The following TAFA2 variants were observed in gnomAD, a reference collection of about 807,000 sequenced individuals.
TAFA2 encodes chemokine-like protein TAFA-2.
In TAFA2, 7 loss-of-function variants were observed where a neutral mutation model predicts 18.8. The ratio of observed to expected loss-of-function variants is 0.37; its 90% CI spans 0.21 to 0.70. The LOEUF (loss-of-function observed/expected upper bound fraction) is 0.70, where lower values mean the gene tolerates loss of function less well. TAFA2 is among the 30% of genes least tolerant of loss of function. The pLI, the probability that TAFA2 is intolerant of heterozygous loss-of-function variation, is 0.53. For synonymous variants in TAFA2, 60 were observed against 54.2 expected, an observed-to-expected ratio of 1.11 and a Z score of -0.47; for missense variants, 122 against 158.1, an observed-to-expected ratio of 0.77 and a Z score of 1.23.
chr12:61,937,951 G>T (rs1385751015), intron 1 of TAFA2, among the ~76,000 whole-genome samples: 1 of 151,588 alleles, frequency 6.6e-6, no homozygotes. Context: ...AAACAAATCA[G>T]CAAGAAAAAA....
chr12:61,710,262 G>A lies in TAFA2; in HGVS notation c.*144C>T. 2.9e-6 allele frequency: 2 copies of A among 691,860 alleles called. No homozygotes were observed. The highest frequency in any genetic ancestry group is 1.8e-5 in the South Asian group (1 of 54,798). 42.9% of individuals were successfully genotyped at this position (691,860 alleles called of 1,614,324 possible). A position where few individuals can be genotyped will look rare whatever the true frequency, so the allele number is the denominator to read the frequency against. On this transcript the variant is annotated 3_prime_UTR_variant, in exon 5 of 5. Transcript: ENST00000416284. ...TTAAAAAGTCTTGATTTCAAGAAGA[G>A]GCCATGAAATCCCTTGGAAATAGAC...
intron 1 of TAFA2, among the ~76,000 whole-genome samples, chr12:62,099,153 A>C (rs960428294): frequency 6.6e-6 from 1 of 152,186 alleles, no homozygotes; most frequent in Non-Finnish European, 1.5e-5. Flanking sequence ...AGGAGTAAAA[A>C]CTGGTAAATC....
intron 2 of TAFA2, among the ~76,000 whole-genome samples, chr12:61,857,529 T>C (rs1362706644): frequency 1.3e-5 from 2 of 152,238 alleles, no homozygotes; most frequent in African/African-American, 4.8e-5. Flanking sequence ...TTTAGCTTTC[T>C]ATATCCCTCT....
chr12:61,716,951 T>C (rs771381865), intron 4 of TAFA2, among the ~76,000 whole-genome samples: 8 of 152,184 alleles, frequency 5.3e-5, no homozygotes, highest in Non-Finnish European at 2.9e-5. Context: ...ATTTAACTTA[T>C]TCGATAAAGG....
chr12:62,011,690 T>C (rs1420803106), intron 1 of TAFA2, among the ~76,000 whole-genome samples: 1 of 150,624 alleles, frequency 6.6e-6, no homozygotes, highest in Non-Finnish European at 1.5e-5. Flanking sequence ...TCTCCACTAT[T>C]ATCCTATGAC....
At position 61,756,129 on chromosome 12, in the gene TAFA2, T is replaced by C. The variant is rs1188261672; in HGVS notation, c.107-1105A>G. ...ATGAGTGAAACCAATGTGCAATAAG[T>C]CAGGCTAAGTAGTTCGCTCAGATTT... is the stretch of plus-strand genomic sequence containing the variant. On this transcript the variant is annotated intron_variant, in intron 2 of 4. Coordinates refer to ENST00000416284, the MANE Select transcript of TAFA2 (RefSeq NM_178539.5). Among the ~76,000 whole-genome samples the C allele has an allele frequency of 9.3e-4, 142 of 152,134 alleles. 2 individuals are homozygous for C. Among genetic ancestry groups the C allele is most frequent in the Admixed American group, 9.3e-3 (142 of 15,268 alleles).
intron 1 of TAFA2, among the ~76,000 whole-genome samples, chr12:62,055,938 T>G (rs765642259): frequency 5.9e-5 from 9 of 152,198 alleles, no homozygotes; most frequent in Non-Finnish European, 1.0e-4. Context: ...AATAGAGAGC[T>G]ATCATACATA....
At position 62,098,786 on chromosome 12, in the gene TAFA2, A is replaced by ATTC. The variant is rs1367252101; in HGVS notation, c.-2+92472_-2+92473insGAA. On this transcript the variant is annotated intron_variant, in intron 1 of 4. Coordinates refer to ENST00000416284, the MANE Select transcript of TAFA2 (RefSeq NM_178539.5). The stretch of plus-strand genomic sequence containing the variant: ...CGAAATCCATCAGAGACTTAAAGAT[A>ATTC]TTAAAATTGAAATTGAATAAAAATA... 4.6e-5 allele frequency among the ~76,000 whole-genome samples: 7 copies of ATTC among 152,324 alleles called. No homozygotes were observed. The East Asian group carries it at 1.4e-3, about 29-fold the overall frequency.
rs141907835 is a variant in TAFA2, at chr12:62,076,586, A to G, written c.-2+114673T>C. Among the ~76,000 whole-genome samples the G allele has an allele frequency of 4.7e-3, 718 of 152,254 alleles. 8 individuals carry two copies. Among genetic ancestry groups the G allele is most frequent in the Non-Finnish European group, 6.4e-3 (433 of 68,012 alleles). On this transcript the variant is annotated intron_variant, in intron 1 of 4. Transcript: ENST00000416284. Reference sequence around the variant, plus strand: ...CTTCTGCTAAGGTTCGACACCACACATAAGTCTGTGTATTGTGGCCAAGAA... The same window carrying G: ...CTTCTGCTAAGGTTCGACACCACACGTAAGTCTGTGTATTGTGGCCAAGAA...
At chr12:61,795,897 G>C (rs1871169398) in intron 2 of TAFA2, among the ~76,000 whole-genome samples, 1 of 151,892 alleles carries the variant, frequency 6.6e-6, no homozygotes, top group Non-Finnish European at 1.5e-5. Flanking sequence ...TTAATAAATA[G>C]ATCCACACAT....
intron 1 of TAFA2, among the ~76,000 whole-genome samples, chr12:61,953,634 A>T (rs1214803439): frequency 6.6e-6 from 1 of 152,222 alleles, no homozygotes; most frequent in Non-Finnish European, 1.5e-5. Flanking sequence ...TCGGTAAAGA[A>T]GATACTTTAT....
intron 4 of TAFA2, among the ~76,000 whole-genome samples, chr12:61,738,147 A>G (rs767201758): frequency 5.9e-5 from 9 of 152,018 alleles, no homozygotes; most frequent in Non-Finnish European, 1.2e-4. Context: ...AAGAACATTA[A>G]CGTTATATTA....
intron 4 of TAFA2, among the ~76,000 whole-genome samples, chr12:61,741,985 CT>C (rs1260023542): frequency 7.2e-5 from 11 of 152,098 alleles, no homozygotes; most frequent in African/African-American, 2.7e-4. Context: ...TAGCCTCCAC[CT>C]CCTGGGTTCA....
chr12:62,233,066 C>CCT (rs2062819487), intron 1 of TAFA2, among the ~76,000 whole-genome samples: 1 of 39,532 alleles, frequency 2.5e-5, no homozygotes, highest in South Asian at 1.6e-3. Flanking sequence ...TTCTGCATCT[C>CCT]TTTTTTTTTT....
intron 1 of TAFA2, among the ~76,000 whole-genome samples, chr12:61,899,192 G>A (rs1003483461): frequency 6.6e-6 from 1 of 152,128 alleles, no homozygotes; most frequent in Admixed American, 6.5e-5. Context: ...ACATCTTCCT[G>A]TCTTCTTCTG....
intron 1 of TAFA2, chr12:62,198,533 G>C (rs890511001): frequency 9.2e-5 from 14 of 152,094 alleles, no homozygotes; most frequent in African/African-American, 3.4e-4. Flanking sequence ...TAAAACTTAC[G>C]AGTCCCAGTT....
At chr12:61,837,914 C>A (rs1873001955) in intron 2 of TAFA2, among the ~76,000 whole-genome samples, 1 of 151,900 alleles carries the variant, frequency 6.6e-6, no homozygotes, top group African/African-American at 2.4e-5. Flanking sequence ...AAATAATGAG[C>A]CAGTAGAATA....
intron 1 of TAFA2, among the ~76,000 whole-genome samples, chr12:62,077,837 C>A (rs916881586): frequency 6.6e-6 from 1 of 152,158 alleles, no homozygotes; most frequent in Non-Finnish European, 1.5e-5. Flanking sequence ...TCAACACAAA[C>A]CCCATTCTAA....
chr12:61,787,519 C>T (rs1870788513), intron 2 of TAFA2, among the ~76,000 whole-genome samples: 1 of 151,498 alleles, frequency 6.6e-6, no homozygotes, highest in Admixed American at 6.6e-5. Flanking sequence ...TGTTAAGGAA[C>T]ACAAAATATA....
Sources: gnomAD v4.1 joint callset for allele counts (sites outside exome capture counted in the v4.1 genomes callset) on GRCh38, gnomAD v4.1.1 for gene constraint, MANE v1.5 for transcripts, NCBI Gene and HGNC (gene_info 2026-07-23, HGNC 2026-07-21) for gene names.